The following TAF5 variants were observed in gnomAD, a reference collection of about 807,000 sequenced individuals.
TAF5 encodes the protein TATA-box binding protein associated factor 5.
A neutral mutation model predicts 80.9 loss-of-function variants in TAF5; 20 were observed. That is an observed-to-expected ratio of 0.25 (90% CI 0.17 to 0.36). The LOEUF is 0.36. Ranked by LOEUF, TAF5 falls within the 10% of genes least tolerant of loss-of-function variation. TAF5 has a pLI of 1.00. For synonymous variants in TAF5, 388 were observed against 406.4 expected, an observed-to-expected ratio of 0.95 and a Z score of 0.55; for missense variants, 863 against 1,029.4, an observed-to-expected ratio of 0.84 and a Z score of 2.21.
chr10:103,373,104 G>A (rs1325404141), intron 1 of TAF5, among the ~76,000 whole-genome samples: 3 of 151,626 alleles, frequency 2.0e-5, no homozygotes, highest in Admixed American at 1.3e-4. Context: ...TTGGGAGGCC[G>A]AGGCAAGACA....
chr10:103,382,126 A>G (rs1178968494), intron 6 of TAF5, among the ~76,000 whole-genome samples: 1 of 151,096 alleles, frequency 6.6e-6, no homozygotes. Flanking sequence ...TGTAAATCTT[A>G]AAAAATCTTT....
At chr10:103,371,591 T>A (rs545460008) in intron 1 of TAF5, among the ~76,000 whole-genome samples, 1 of 152,336 alleles carries the variant, frequency 6.6e-6, no homozygotes, top group East Asian at 1.9e-4. Flanking sequence ...TTACGTTTTC[T>A]GTTTTGAAGT....
Position 103,373,469 on chromosome 10 carries a change from T to C in TAF5, c.671T>C (p.Phe224Ser). The change falls in exon 2 of 11, where the codon TTC becomes TCC. Residue 224 changes from phenylalanine to serine, a missense_variant. By Grantham distance (155) the Phe-to-Ser change is radical. This residue lies in a region of TAF5 where 367 missense variants were observed against 335.5 expected (regional missense o/e 1.09). Transcript: ENST00000369839. Reference sequence around the variant, plus strand: ...GAATACTATAGTGGACTGAAACACTTCATTGAATGTTCCCTGGACTGCCAT... The same window carrying C: ...GAATACTATAGTGGACTGAAACACTCCATTGAATGTTCCCTGGACTGCCAT... ...YEEYYSGLKH[F>S]IECSLDCHRA... 1 of 1,614,182 alleles carries C rather than the reference T, an allele frequency of 6.2e-7. No homozygotes were observed. The highest frequency in any genetic ancestry group is 1.1e-5 in the South Asian group (1 of 91,084).
At chr10:103,368,636 G>A in intron 1 of TAF5, 88 bp downstream of exon 1, 5 of 1,383,354 alleles carry the variant, frequency 3.6e-6, no homozygotes, top group Non-Finnish European at 4.7e-6. Context: ...ACCTCTGCGG[G>A]CTTGTTTTGA....
intron 1 of TAF5, among the ~76,000 whole-genome samples, chr10:103,369,228 C>T (rs968951921): frequency 1.3e-5 from 2 of 152,116 alleles, no homozygotes; most frequent in African/African-American, 2.4e-5. Flanking sequence ...ATCCACCTGC[C>T]TCGGCCTCCT....
rs547865699 is a variant in TAF5, at chr10:103,376,223, C to T, written c.798-2012C>T. Among the ~76,000 whole-genome samples the T allele has an allele frequency of 1.4e-4, 22 of 151,936 alleles. 2 individuals carry two copies. In the South Asian group the frequency reaches 4.6e-3, roughly 32 times the overall value. On this transcript the variant is annotated intron_variant, in intron 2 of 10. Transcript: ENST00000369839. ...TCTCCTGCCTCAGCCTCCCAAGTAG[C>T]TGGGATTACAGGCATGCATCACCAT...
chr10:103,376,901 A>C lies in TAF5; in HGVS notation c.798-1334A>C, dbSNP rs988171771. Among the ~76,000 whole-genome samples the C allele has an allele frequency of 3.3e-5, 5 of 152,184 alleles. No homozygotes were observed. The East Asian group carries it at 9.6e-4, about 29-fold the overall frequency. On this transcript the variant is annotated intron_variant, in intron 2 of 10. Coordinates refer to ENST00000369839, the MANE Select transcript of TAF5 (RefSeq NM_006951.5). Reference sequence around the variant, plus strand: ...TCTACTCAAATACAAAAGATTAGCCAGCCATGGTGGCACGTGCCTGTAGTC... The same window carrying C: ...TCTACTCAAATACAAAAGATTAGCCCGCCATGGTGGCACGTGCCTGTAGTC...
rs1238794281 is a variant in TAF5 at position 103,383,332 on chromosome 10, T to C, written c.1629T>C (p.Ser543=). The change falls in exon 7 of 11, where the codon AGT becomes AGC. Residue 543 remains serine, a synonymous_variant. Transcript: ENST00000369839. ...AGTTGAAGATTTTGTATGGTCACAG[T>C]GGGCCTGTCTACGGAGCCAGCTTCA... ...ASELKILYGH[S]GPVYGASFSP... is the part of the protein sequence containing the mutation. 2 of 1,605,320 alleles carry C rather than the reference T, an allele frequency of 1.2e-6. No individual in the cohort carries two copies. The highest frequency in any genetic ancestry group is 4.5e-5 in the East Asian group (2 of 44,638).
rs774830453 is a variant in TAF5, at chr10:103,381,855, C to G, written c.1534+14C>G. The G allele has an allele frequency of 6.2e-7, 1 of 1,614,106 alleles. No individual in the cohort carries two copies. The highest frequency in any genetic ancestry group is 8.5e-7 in the Non-Finnish European group (1 of 1,180,008). On this transcript the variant is annotated intron_variant, in intron 6 of 10. Coordinates refer to ENST00000369839, the MANE Select transcript of TAF5 (RefSeq NM_006951.5). ...AACAAGCATCAGGTAACTGAGATGA[C>G]CTTTTGGAATGTGAACTTGCCATTA...
intron 1 of TAF5, among the ~76,000 whole-genome samples, chr10:103,372,901 G>GA (rs1262710385): frequency 6.8e-4 from 90 of 133,316 alleles, no homozygotes; most frequent in Non-Finnish European, 9.4e-4. Context: ...ATCTTAAAAA[G>GA]AAAAAAAAAA....
Position 103,381,877 on chromosome 10 carries a change from A to G in TAF5, c.1534+36A>G, listed in dbSNP as rs369174269. 6 of 1,613,776 alleles carry G rather than the reference A, an allele frequency of 3.7e-6. No individual in the cohort carries two copies. The African/African-American group carries it at 5.3e-5, about 14-fold the overall frequency. ...TGACCTTTTGGAATGTGAACTTGCC[A>G]TTAGTCTATACCAATCTTGATTCCA... On this transcript the variant is annotated intron_variant, in intron 6 of 10. Transcript: ENST00000369839.
Position 103,388,300 on chromosome 10 carries a change from T to C in TAF5, c.*77T>C. On this transcript the variant is annotated 3_prime_UTR_variant, in exon 11 of 11. Coordinates refer to ENST00000369839, the MANE Select transcript of TAF5 (RefSeq NM_006951.5). The stretch of plus-strand genomic sequence containing the variant: ...TAAAAGCAAATACCTCAGTGATTAA[T>C]ATTTAAGCTACAGAGAATGTTTTTG... 8.1e-7 allele frequency: 1 copy of C among 1,231,142 alleles called. No homozygotes were observed. The highest frequency in any genetic ancestry group is 1.1e-6 in the Non-Finnish European group (1 of 875,226). The allele number at this position is 1,231,142 out of a possible 1,614,324, so 76.3% of individuals were successfully genotyped here.
chr10:103,370,063 T>C (rs1388594366), intron 1 of TAF5, among the ~76,000 whole-genome samples: 1 of 151,340 alleles, frequency 6.6e-6, no homozygotes, highest in Admixed American at 6.6e-5. Context: ...GAAACCCCCT[T>C]TCTACTAGAA....
At chr10:103,385,611 A>G (rs1386453581) in intron 8 of TAF5, 121 bp downstream of exon 8, 12 of 1,160,896 alleles carry the variant, frequency 1.0e-5, no homozygotes, top group Non-Finnish European at 1.5e-5. Flanking sequence ...CTTTCTGAGA[A>G]GCTTTTGCAT....
At position 103,380,039 on chromosome 10, in the gene TAF5, G is replaced by C; in HGVS notation, c.1413+20G>C. On this transcript the variant is annotated intron_variant, in intron 5 of 10. Coordinates refer to ENST00000369839, the MANE Select transcript of TAF5 (RefSeq NM_006951.5). The stretch of plus-strand genomic sequence containing the variant: ...TACCAGGTTGGTAAAAAAATTGGGC[G>C]ATTTCTGCCTGGAGAGTCATGTAGG... 6.2e-7 allele frequency: 1 copy of C among 1,606,340 alleles called. No individual in the cohort carries two copies. The highest frequency in any genetic ancestry group is 1.7e-4 in the Middle Eastern group (1 of 6,038).
chr10:103,387,033 C>T, intron 8 of TAF5, 142 bp from the exon 9 acceptor site: 1 of 716,698 alleles, frequency 1.4e-6, no homozygotes, highest in Non-Finnish European at 2.2e-6. Flanking sequence ...CATTTTTCTT[C>T]CCCTCAGTTA....
At position 103,368,405 on chromosome 10, in the gene TAF5, C is replaced by T. The variant is rs1481625310; in HGVS notation, c.416C>T (p.Ala139Val). The stretch of plus-strand genomic sequence containing the variant: ...GGAGCCCCGGGAGAGGTGGACAGCG[C>T]CGGCGCTGAGGTGACCAGCGCGCTT... ...GSGAPGEVDS[A>V]GAEVTSALLS... Residue 139 changes from alanine (A) to valine (V), a missense_variant, in exon 1 of 11, where the codon GCC (alanine) becomes GTC (valine). By Grantham distance (64) the Ala-to-Val change is moderately conservative. Transcript: ENST00000369839. 1.9e-6 allele frequency: 3 copies of T among 1,567,602 alleles called. No homozygotes were observed. The highest frequency in any genetic ancestry group is 1.7e-6 in the Non-Finnish European group (2 of 1,166,318).
intron 4 of TAF5, 42 bp from the exon 5 acceptor site, chr10:103,379,842 T>C (rs1246880630): frequency 1.2e-6 from 2 of 1,603,648 alleles, no homozygotes; most frequent in Non-Finnish European, 1.7e-6. Flanking sequence ...TCAAGTTTGT[T>C]AATAGTCAAA....
rs2093375160 is a variant in TAF5, at chr10:103,378,683, G to C, written c.1113+133G>C. 2 of 1,079,332 alleles carry C rather than the reference G, an allele frequency of 1.9e-6. No individual in the cohort carries two copies. The highest frequency in any genetic ancestry group is 2.6e-4 in the Middle Eastern group (1 of 3,826). 66.9% of individuals were successfully genotyped at this position (1,079,332 alleles called of 1,614,324 possible). ...TTTCGTTTGTTTGTTTTGAGACGGA[G>C]TTTTGCTCTTGTCACCCAAGCTGGA... is the stretch of plus-strand genomic sequence containing the variant. On this transcript the variant is annotated intron_variant, in intron 3 of 10. Coordinates refer to ENST00000369839, the MANE Select transcript of TAF5 (RefSeq NM_006951.5). The surrounding 1 kb of genome is among the most constrained non-coding windows in gnomAD (Gnocchi z 4.1).
Sources: allele counts gnomAD v4.1 joint callset (sites outside exome capture counted in the v4.1 genomes callset), GRCh38; gene constraint gnomAD v4.1.1; regional missense constraint gnomAD v4.1.1; non-coding constraint Gnocchi (gnomAD v3.1); transcripts MANE v1.5; gene names NCBI Gene and HGNC (gene_info 2026-07-23, HGNC 2026-07-21).